FAM227A: variants seen among roughly 807,000 people sequenced by gnomAD.
FAM227A encodes the protein protein FAM227A.
FAM227A carries 80 observed loss-of-function variants against 74.7 expected under a neutral mutation model. The ratio of observed to expected loss-of-function variants is 1.07; its 90% CI spans 0.89 to 1.29. FAM227A has a LOEUF of 1.29. FAM227A is among the 50% of genes most tolerant of loss of function. The pLI is 0.00. For missense variants in FAM227A, 654 were observed against 683.4 expected (o/e 0.96, Z 0.48); for synonymous variants, 237 against 241.8 (o/e 0.98, Z 0.19).
At position 38,582,708 on chromosome 22, in the gene FAM227A, G is replaced by T. The variant is rs181967559; in HGVS notation, c.*3417C>A. 29 of 1,057,430 alleles carry T rather than the reference G, an allele frequency of 2.7e-5. 1 individual carries two copies. The African/African-American group carries it at 4.6e-4, about 17-fold the overall frequency. 65.5% of individuals were successfully genotyped at this position (1,057,430 alleles called of 1,614,324 possible). ...CAGACAGAAATGCAGTTTGTCCTGG[G>T]CTTAGAAAATAAGGAGACCTTCTTG... On this transcript the variant is annotated 3_prime_UTR_variant, in exon 17 of 17. Coordinates refer to ENST00000535113, the MANE Select transcript of FAM227A (RefSeq NM_001013647.2).
At chr22:38,629,071 C>T in intron 6 of FAM227A, 136 bp from the exon 7 acceptor site, 3 of 600,638 alleles carry the variant, frequency 5.0e-6, no homozygotes, top group Non-Finnish European at 8.8e-6. Flanking sequence ...TTTACATACT[C>T]TCATTTAACC....
In FAM227A at chr22:38,632,166, A is replaced by G. The variant is rs148091346; in HGVS notation, c.520-3231T>C. ...GATAGAGGCAGAGGGATGGAGCGAT[A>G]TGGGAGTCTGCAGTGTAGTGAAGGC... On this transcript the variant is annotated intron_variant, in intron 6 of 16. Coordinates refer to ENST00000535113, the MANE Select transcript of FAM227A (RefSeq NM_001013647.2). 2.0e-3 allele frequency among the ~76,000 whole-genome samples: 300 copies of G among 152,272 alleles called. 1 individual carries two copies. The highest frequency in any genetic ancestry group is 0.014 in the Middle Eastern group (4 of 294).
At position 38,650,210 on chromosome 22, in the gene FAM227A, T is replaced by G; in HGVS notation, c.-42A>C. The G allele has an allele frequency of 1.3e-6, 2 of 1,541,720 alleles. No homozygotes were observed. The highest frequency in any genetic ancestry group is 1.8e-6 in the Non-Finnish European group (2 of 1,139,744). On this transcript the variant is annotated 5_prime_UTR_variant, in exon 2 of 17. Coordinates refer to ENST00000535113, the MANE Select transcript of FAM227A (RefSeq NM_001013647.2). The stretch of plus-strand genomic sequence containing the variant: ...AATGGACAAACAAAAAGCTTCCACT[T>G]TTAAGAGCCTCTCATTTCCCACTCC...
intron 2 of FAM227A, among the ~76,000 whole-genome samples, chr22:38,646,048 G>A (rs934489744): frequency 6.6e-5 from 10 of 151,976 alleles, no homozygotes; most frequent in Non-Finnish European, 1.5e-4. Flanking sequence ...GCCTCCCAAA[G>A]TGCTCAGATC....
chr22:38,645,528 G>A, intron 3 of FAM227A, 35 bp downstream of exon 3: 2 of 1,483,922 alleles, frequency 1.3e-6, no homozygotes, highest in South Asian at 1.2e-5. Flanking sequence ...TTCCCTGTCA[G>A]AAGCTTTGTC....
At chr22:38,613,424 T>TATATAATTATATATTATATATTATACA (rs71197123) in intron 11 of FAM227A, among the ~76,000 whole-genome samples, 4 of 113,526 alleles carry the variant, frequency 3.5e-5, no homozygotes, top group African/African-American at 1.4e-4. Flanking sequence ...ATATATATAA[T>TATATAATTATATATTATATATTATACA]TTGTTTGTTT....
At chr22:38,650,005 G>C in intron 2 of FAM227A, 22 bp downstream of exon 2, 1 of 1,551,534 alleles carries the variant, frequency 6.4e-7, no homozygotes, top group South Asian at 1.2e-5. Context: ...TCTGATTGTA[G>C]GTGACATCAC....
At chr22:38,596,734 A>G (rs2091053234) in intron 15 of FAM227A, among the ~76,000 whole-genome samples, 1 of 152,124 alleles carries the variant, frequency 6.6e-6, no homozygotes, top group East Asian at 1.9e-4. Context: ...CAACTTTCTG[A>G]AAGGTTTTTC....
At chr22:38,612,249 A>C (rs1406599647) in intron 11 of FAM227A, among the ~76,000 whole-genome samples, 1 of 152,156 alleles carries the variant, frequency 6.6e-6, no homozygotes, top group Non-Finnish European at 1.5e-5. Flanking sequence ...TTATCATGGC[A>C]CTTCAATTAT....
intron 13 of FAM227A, among the ~76,000 whole-genome samples, chr22:38,603,113 A>T (rs923837784): frequency 6.6e-6 from 1 of 151,994 alleles, no homozygotes; most frequent in Admixed American, 6.6e-5. Context: ...ACCTTAGGTG[A>T]TCTGCCCACC....
intron 15 of FAM227A, 125 bp from the exon 16 acceptor site, chr22:38,591,665 C>T (rs986458878): frequency 1.4e-5 from 9 of 657,654 alleles, no homozygotes; most frequent in Non-Finnish European, 2.2e-5. Context: ...TGAAGTATAA[C>T]ATAGAAACTA....
chr22:38,600,458 C>T (rs576435667), intron 13 of FAM227A, among the ~76,000 whole-genome samples: 3 of 151,874 alleles, frequency 2.0e-5, no homozygotes, highest in South Asian at 2.1e-4. Context: ...CTCAGCCTCC[C>T]GAGTAGCTGG....
rs1339212399 is a variant in FAM227A, at chr22:38,597,328, T to A, written c.1408A>T (p.Ile470Phe). The A allele has an allele frequency of 6.4e-7, 1 of 1,551,562 alleles. No homozygotes were observed. Among genetic ancestry groups the A allele is most frequent in the Non-Finnish European group, 8.7e-7 (1 of 1,146,862 alleles). The change falls in exon 15 of 17, where the codon ATC becomes TTC. Residue 470 changes from isoleucine (I) to phenylalanine (F), a missense_variant. Physicochemically the swap from Ile to Phe is conservative, Grantham distance 21. Transcript: ENST00000535113. ...PDCTPTYTDV[I>F]SETLCSMKKR... The stretch of plus-strand genomic sequence containing the variant: ...TTCATGCTGCACAGGGTCTCGCTGA[T>A]GACATCAGTATACGTTGGGGTGCAG...
At chr22:38,632,034 G>A (rs2145623923) in intron 6 of FAM227A, among the ~76,000 whole-genome samples, 1 of 152,248 alleles carries the variant, frequency 6.6e-6, no homozygotes, top group South Asian at 2.1e-4. Context: ...GGGTAAGGGA[G>A]GAGACTGGCT....
In FAM227A at chr22:38,578,136, T is replaced by C. The variant is rs570677442; in HGVS notation, c.*7989A>G. ...TAAAACATAAACCAGTAACAGTCATTTATTACCATTACCCCAGTATTGTGT... is the reference window on the plus strand; with the variant it reads ...TAAAACATAAACCAGTAACAGTCATCTATTACCATTACCCCAGTATTGTGT... On this transcript the variant is annotated 3_prime_UTR_variant, in exon 17 of 17. Coordinates refer to ENST00000535113, the MANE Select transcript of FAM227A (RefSeq NM_001013647.2). 6.6e-6 allele frequency: 1 copy of C among 152,280 alleles called. No individual in the cohort carries two copies. Among genetic ancestry groups the C allele is most frequent in the East Asian group, 1.9e-4 (1 of 5,194 alleles). 9.4% of individuals were successfully genotyped at this position (152,280 alleles called of 1,614,324 possible).
At chr22:38,654,973 T>C (rs936167608) in intron 1 of FAM227A, among the ~76,000 whole-genome samples, 1 of 113,146 alleles carries the variant, frequency 8.8e-6, no homozygotes, top group Non-Finnish European at 1.9e-5. Flanking sequence ...AATAAATAAA[T>C]AAATACCAAA....
At chr22:38,606,713 A>G (rs928047287) in intron 12 of FAM227A, among the ~76,000 whole-genome samples, 5 of 152,192 alleles carry the variant, frequency 3.3e-5, no homozygotes, top group Non-Finnish European at 7.3e-5. Flanking sequence ...ACAGTCACCA[A>G]TATAAATTAA....
At chr22:38,643,973 C>T (rs201528079) in intron 3 of FAM227A, among the ~76,000 whole-genome samples, 1 of 151,756 alleles carries the variant, frequency 6.6e-6, no homozygotes, top group East Asian at 1.9e-4. Flanking sequence ...TGGTGAAACC[C>T]CGTCTCTACT....
At chr22:38,625,021 C>T (rs2091766712) in intron 9 of FAM227A, among the ~76,000 whole-genome samples, 1 of 151,982 alleles carries the variant, frequency 6.6e-6, no homozygotes, top group Admixed American at 6.6e-5. Context: ...AGGAACCTTC[C>T]TATAAATGGT....
Sources: allele counts gnomAD v4.1 joint callset (sites outside exome capture counted in the v4.1 genomes callset), GRCh38; gene constraint gnomAD v4.1.1; transcripts MANE v1.5; gene names NCBI Gene and HGNC (gene_info 2026-07-23, HGNC 2026-07-21).